The following RBFOX1 variants were observed in gnomAD, a reference collection of about 807,000 sequenced individuals.
The protein encoded by RBFOX1 is RNA binding protein fox-1 homolog 1.
Under a neutral mutation model 57.7 loss-of-function variants are expected in RBFOX1, and 8 were observed. The ratio of observed to expected loss-of-function variants is 0.14; its 90% CI spans 0.08 to 0.25. The LOEUF (loss-of-function observed/expected upper bound fraction) is 0.25. Among genes scored for constraint, RBFOX1 ranks in the 10% least tolerant of loss-of-function variants. The pLI, the probability that RBFOX1 is intolerant of heterozygous loss-of-function variation, is 1.00. For missense variants in RBFOX1, 611 were observed against 548.5 expected (o/e 1.11, Z -1.14); for synonymous variants, 326 against 222.4 (o/e 1.47, Z -4.15).
chr16:7,414,180 A>G (rs1247758241), intron 4 of RBFOX1, among the ~76,000 whole-genome samples: 2 of 152,224 alleles, frequency 1.3e-5, no homozygotes, highest in Admixed American at 1.3e-4. Context: ...AGTGTTTCAC[A>G]TACACTTCCA....
intron 1 of RBFOX1, among the ~76,000 whole-genome samples, chr16:6,256,287 G>A (rs57902249): frequency 5.6e-4 from 60 of 108,070 alleles, no homozygotes; most frequent in African/African-American, 9.3e-4. Flanking sequence ...ATATATGTGT[G>A]TATATATATA....
intron 4 of RBFOX1, among the ~76,000 whole-genome samples, chr16:7,453,385 G>C (rs1365241849): frequency 6.6e-6 from 1 of 152,090 alleles, no homozygotes; most frequent in East Asian, 1.9e-4. Context: ...AGTGGCCCAA[G>C]TCAGGTGGGG....
chr16:6,895,659 G>A (rs2066714999), intron 3 of RBFOX1, among the ~76,000 whole-genome samples: 1 of 151,318 alleles, frequency 6.6e-6, no homozygotes, highest in Non-Finnish European at 1.5e-5. Flanking sequence ...AATGTTTTGT[G>A]GAAAGGAGGC....
At chr16:5,919,871 C>T (rs1426766449) in intron 4 of RBFOX1, among the ~76,000 whole-genome samples, 1 of 152,040 alleles carries the variant, frequency 6.6e-6, no homozygotes, top group Non-Finnish European at 1.5e-5. Context: ...AGCCTGTGAC[C>T]CTTTCTCTCT....
At chr16:7,653,568 G>T (rs1340820269) in intron 11 of RBFOX1, among the ~76,000 whole-genome samples, 1 of 152,178 alleles carries the variant, frequency 6.6e-6, no homozygotes, top group Non-Finnish European at 1.5e-5. Context: ...AGAATTATTT[G>T]CAAATGTTTG....
chr16:6,732,810 T>A (rs566868518), intron 3 of RBFOX1, among the ~76,000 whole-genome samples: 5 of 152,184 alleles, frequency 3.3e-5, no homozygotes, highest in Non-Finnish European at 5.9e-5. Context: ...TGAGGTGGAG[T>A]TTTTTTGTTC....
chr16:6,214,650 GGA>G (rs2097321318), intron 1 of RBFOX1, among the ~76,000 whole-genome samples: 2 of 118,316 alleles, frequency 1.7e-5, no homozygotes, highest in Non-Finnish European at 3.6e-5. Flanking sequence ...AGAGGGACAG[GGA>G]GAGAGGGAGA....
chr16:6,100,454 G>A (rs1049571983), intron 1 of RBFOX1, among the ~76,000 whole-genome samples: 2 of 152,320 alleles, frequency 1.3e-5, no homozygotes, highest in Admixed American at 6.5e-5. Flanking sequence ...GAGCCACCGC[G>A]CCCGGCCGGC....
At chr16:6,672,818 C>G (rs996592775) in intron 3 of RBFOX1, among the ~76,000 whole-genome samples, 1 of 152,210 alleles carries the variant, frequency 6.6e-6, no homozygotes, top group East Asian at 1.9e-4. Flanking sequence ...CCAAGTAATC[C>G]TAACTTAAGC....
intron 3 of RBFOX1, among the ~76,000 whole-genome samples, chr16:6,725,549 C>T (rs1480691487): frequency 1.3e-5 from 2 of 152,026 alleles, no homozygotes; most frequent in African/African-American, 2.4e-5. Context: ...ACAAATAATC[C>T]ACCCCCTGTT....
At chr16:7,227,272 CCA>C (rs2093187197) in intron 4 of RBFOX1, among the ~76,000 whole-genome samples, 2 of 129,034 alleles carry the variant, frequency 1.5e-5, no homozygotes, top group African/African-American at 2.5e-5. Flanking sequence ...CTGTCACATA[CCA>C]CACACACCCC....
chr16:7,000,781 T>G (rs1304897490), intron 3 of RBFOX1, among the ~76,000 whole-genome samples: 1 of 151,926 alleles, frequency 6.6e-6, no homozygotes. Context: ...ACTTTCTATA[T>G]TTTTAGTAGA....
chr16:6,943,982 C>G (rs898986593), intron 3 of RBFOX1, among the ~76,000 whole-genome samples: 1 of 152,136 alleles, frequency 6.6e-6, no homozygotes, highest in Admixed American at 6.5e-5. Context: ...GCCCAACTCA[C>G]GAACTGTTCA....
chr16:6,948,652 G>C (rs1274300816), intron 3 of RBFOX1, among the ~76,000 whole-genome samples: 2 of 151,858 alleles, frequency 1.3e-5, no homozygotes, highest in African/African-American at 2.4e-5. Context: ...AAAGTGCTGG[G>C]ATTACAAGCG....
intron 4 of RBFOX1, among the ~76,000 whole-genome samples, chr16:5,972,015 C>T (rs556882740): frequency 2.0e-5 from 3 of 152,336 alleles, no homozygotes; most frequent in Admixed American, 6.5e-5. Context: ...TGTGCTTCTT[C>T]CTGCCTTCGG....
At chr16:6,984,728 C>T (rs1376596501) in intron 3 of RBFOX1, among the ~76,000 whole-genome samples, 1 of 152,104 alleles carries the variant, frequency 6.6e-6, no homozygotes, top group African/African-American at 2.4e-5. Context: ...GCAACCTCTG[C>T]CTCCCAGGTT....
intron 2 of RBFOX1, among the ~76,000 whole-genome samples, chr16:5,486,350 C>A (rs919083890): frequency 1.2e-4 from 19 of 152,166 alleles, no homozygotes; most frequent in Non-Finnish European, 1.6e-4. Context: ...TGAAGTTCAG[C>A]TTGGATGTCT....
intron 3 of RBFOX1, among the ~76,000 whole-genome samples, chr16:6,922,509 C>T (rs886343984): frequency 4.6e-5 from 7 of 151,872 alleles, no homozygotes; most frequent in Admixed American, 3.3e-4. Flanking sequence ...CTGTGTTTTT[C>T]CACATTTAAA....
chr16:5,267,634 G>C (rs1460051611), intron 1 of RBFOX1, among the ~76,000 whole-genome samples: 1 of 152,130 alleles, frequency 6.6e-6, no homozygotes, highest in Non-Finnish European at 1.5e-5. Flanking sequence ...GGGAAACTCT[G>C]GCAAGATTGA....
Sources: allele counts gnomAD v4.1 joint callset (sites outside exome capture counted in the v4.1 genomes callset), GRCh38; gene constraint gnomAD v4.1.1; transcripts MANE v1.5; gene names NCBI Gene and HGNC (gene_info 2026-07-23, HGNC 2026-07-21).